RHPN2: variants seen among roughly 807,000 people sequenced by gnomAD.
The protein encoded by RHPN2 is rhophilin Rho GTPase binding protein 2, also known as rhophilin-2.
RHPN2 carries 40 observed loss-of-function variants against 79.0 expected under a neutral mutation model. The observed-to-expected ratio is 0.51, with a 90% confidence interval of 0.39 to 0.66. The LOEUF is 0.66. Among genes scored for constraint, RHPN2 ranks in the 30% least tolerant of loss-of-function variants. The pLI is 0.00. For synonymous variants in RHPN2, 285 were observed against 363.5 expected (o/e 0.78, Z 2.46); for missense variants, 686 against 883.5 (o/e 0.78, Z 2.83).
rs1362370037 is a variant in RHPN2 at position 32,979,208 on chromosome 19, T to A, written c.*788A>T. ...CTGAATCATTTACATCTTTACTTTA[T>A]AAAATGTAAAACTACTTTTTTACCC... On this transcript the variant is annotated 3_prime_UTR_variant, in exon 15 of 15. Coordinates refer to ENST00000254260, the MANE Select transcript of RHPN2 (RefSeq NM_033103.5). 1 of 152,242 alleles carries A rather than the reference T, an allele frequency of 6.6e-6. No homozygotes were observed. The highest frequency in any genetic ancestry group is 1.5e-5 in the Non-Finnish European group (1 of 68,046). 9.4% of individuals were successfully genotyped at this position (152,242 alleles called of 1,614,324 possible).
Position 33,002,444 on chromosome 19 carries a change from A to C in RHPN2, c.949-41T>G, listed in dbSNP as rs537769134. Reference sequence around the variant, plus strand: ...CACTGGGAAGGGGCAGCCCGGCACAAGGGCCCTCATGAACCCATTTGCAGA... The same window carrying C: ...CACTGGGAAGGGGCAGCCCGGCACACGGGCCCTCATGAACCCATTTGCAGA... On this transcript the variant is annotated intron_variant, in intron 8 of 14. Coordinates refer to ENST00000254260, the MANE Select transcript of RHPN2 (RefSeq NM_033103.5). 3.5e-5 allele frequency: 57 copies of C among 1,612,486 alleles called. 2 individuals are homozygous for C. Among genetic ancestry groups the C allele is most frequent in the Admixed American group, 1.7e-4 (10 of 59,990 alleles).
intron 1 of RHPN2, among the ~76,000 whole-genome samples, chr19:33,053,004 C>G (rs1214820292): frequency 6.6e-6 from 1 of 150,638 alleles, no homozygotes; most frequent in African/African-American, 2.4e-5. Context: ...CGAAGTCTTG[C>G]TCTGTTGCCC....
Position 32,978,874 on chromosome 19 carries a change from G to A in RHPN2, c.*1122C>T, listed in dbSNP as rs560577692. On this transcript the variant is annotated 3_prime_UTR_variant, in exon 15 of 15. Coordinates refer to ENST00000254260, the MANE Select transcript of RHPN2 (RefSeq NM_033103.5). The stretch of plus-strand genomic sequence containing the variant: ...TAAAAAGTAAAATAGTGGGACGGTT[G>A]TGGTGGCTCATGCCTGTAATCCCAG... 1 of 152,304 alleles carries A rather than the reference G, an allele frequency of 6.6e-6. No individual in the cohort carries two copies. Among genetic ancestry groups the A allele is most frequent in the South Asian group, 2.1e-4 (1 of 4,816 alleles). 9.4% of individuals were successfully genotyped at this position (152,304 alleles called of 1,614,324 possible). A position where few individuals can be genotyped will look rare whatever the true frequency, so the allele number is the denominator to read the frequency against.
At chr19:33,046,692 A>T (rs1972145392) in intron 1 of RHPN2, among the ~76,000 whole-genome samples, 1 of 152,214 alleles carries the variant, frequency 6.6e-6, no homozygotes, top group African/African-American at 2.4e-5. Flanking sequence ...TCACCAATAC[A>T]GGTGCTGGTC....
chr19:33,023,150 G>A (rs1351216364), intron 3 of RHPN2, among the ~76,000 whole-genome samples: 4 of 152,056 alleles, frequency 2.6e-5, no homozygotes, highest in Admixed American at 2.0e-4. Context: ...ACACAGTAGT[G>A]CAGGCCAGGT....
At chr19:32,992,744 G>A (rs1417689288) in intron 12 of RHPN2, among the ~76,000 whole-genome samples, 1 of 151,046 alleles carries the variant, frequency 6.6e-6, no homozygotes, top group Non-Finnish European at 1.5e-5. Context: ...CCAGGAGTTC[G>A]AGGCTGCAGT....
chr19:33,030,324 G>A (rs1972000651), intron 2 of RHPN2, among the ~76,000 whole-genome samples: 1 of 152,104 alleles, frequency 6.6e-6, no homozygotes, highest in South Asian at 2.1e-4. Flanking sequence ...CAGGTGCAGT[G>A]GCTCACATCT....
intron 6 of RHPN2, 134 bp downstream of exon 6, chr19:33,011,545 C>T: frequency 2.8e-6 from 3 of 1,083,352 alleles, no homozygotes; most frequent in Non-Finnish European, 2.8e-6. Context: ...TTGAGACTTC[C>T]CCAGATAAAT....
At chr19:32,981,879 C>G (rs1971578283) in intron 14 of RHPN2, among the ~76,000 whole-genome samples, 1 of 151,636 alleles carries the variant, frequency 6.6e-6, no homozygotes, top group African/African-American at 2.4e-5. Context: ...AAACTTTGTA[C>G]CATTAAACAC....
In RHPN2 at chr19:32,980,046, T is replaced by A; in HGVS notation, c.2011A>T (p.Lys671Ter). 1 of 1,613,932 alleles carries A rather than the reference T, an allele frequency of 6.2e-7. No individual in the cohort carries two copies. Among genetic ancestry groups the A allele is most frequent in the Non-Finnish European group, 8.5e-7 (1 of 1,179,844 alleles). ...VGAARPQVKK[K>*]LPSPFSLLNS... ...AGAAGGCTGAAAGGGGAGGGCAGCT[T>A]CTTCTTGACCTGAGGCCGTGCAGCC... The change falls in exon 15 of 15, where the codon AAG becomes TAG. Residue 671 changes from lysine (K) to a stop codon, truncating the protein, a stop_gained. Transcript: ENST00000254260. LOFTEE classifies it high-confidence loss of function.
Position 32,980,160 on chromosome 19 carries a change from T to C in RHPN2, c.1897A>G (p.Lys633Glu), listed in dbSNP as rs759812870. 1.4e-5 allele frequency: 23 copies of C among 1,613,856 alleles called. No individual in the cohort carries two copies. In the East Asian group the frequency reaches 5.1e-4, roughly 36 times the overall value. The change falls in exon 15 of 15, where the codon AAA becomes GAA. Residue 633 changes from lysine (K) to glutamate (E), a missense_variant. Transcript: ENST00000254260. ...AGGAAGGAAAGCTTCTTGGAGATTT[T>C]CTTGGTTTTATCAGTTTTGTCGTCA... ...DDDDKTDKTK[K>E]ISKKLSFLSW...
chr19:32,981,433 GAAGGGAAGA>G (rs1279771171), intron 14 of RHPN2, among the ~76,000 whole-genome samples: 1 of 99,582 alleles, frequency 1.0e-5, no homozygotes, highest in African/African-American at 3.8e-5. Flanking sequence ...GGGGCGGGGG[GAAGGGAAGA>G]GGGGAAAGGA....
chr19:33,059,456 G>A (rs1213020505), intron 1 of RHPN2, among the ~76,000 whole-genome samples: 1 of 151,796 alleles, frequency 6.6e-6, no homozygotes, highest in East Asian at 1.9e-4. Flanking sequence ...CCGCCACCAC[G>A]CCTTGCTCAT....
At chr19:33,003,917 G>A (rs1166234976) in intron 7 of RHPN2, among the ~76,000 whole-genome samples, 1 of 152,172 alleles carries the variant, frequency 6.6e-6, no homozygotes, top group Non-Finnish European at 1.5e-5. Context: ...GCTGCTGCCT[G>A]TAATCCCAGC....
intron 2 of RHPN2, among the ~76,000 whole-genome samples, chr19:33,034,770 C>G (rs1599827956): frequency 1.0e-5 from 1 of 96,942 alleles, no homozygotes; most frequent in Admixed American, 1.5e-4. Context: ...GGCAATAGAG[C>G]AAGACTCCAT....
intron 4 of RHPN2, among the ~76,000 whole-genome samples, chr19:33,020,699 C>T (rs1419993948): frequency 2.6e-5 from 4 of 152,096 alleles, no homozygotes; most frequent in African/African-American, 9.7e-5. Flanking sequence ...AGGGGTTTTA[C>T]CATTTTAGCC....
In RHPN2 at chr19:32,998,816, GA is replaced by G. The variant is rs138057466; in HGVS notation, c.1225+769del. On this transcript the variant is annotated intron_variant, in intron 10 of 14. Coordinates refer to ENST00000254260, the MANE Select transcript of RHPN2 (RefSeq NM_033103.5). ...GAGGAGAGGGGAGGGGAGGAGGGGAGAGGGGAAGGGTGAGGGGAGGAGAGGA... is the reference window on the plus strand; with the variant it reads ...GAGGAGAGGGGAGGGGAGGAGGGGAGGGGGAAGGGTGAGGGGAGGAGAGGA... Among the ~76,000 whole-genome samples the G allele has an allele frequency of 9.6e-3, 1,236 of 129,410 alleles. 36 individuals carry two copies. Among genetic ancestry groups the G allele is most frequent in the African/African-American group, 0.036 (1,173 of 32,950 alleles). The allele number at this position is 129,410 out of a possible 152,430, so 84.9% of individuals were successfully genotyped here.
chr19:33,023,437 G>GAA (rs751212140), intron 3 of RHPN2, among the ~76,000 whole-genome samples: 16 of 77,772 alleles, frequency 2.1e-4, no homozygotes, highest in Admixed American at 7.8e-4. Context: ...TCCATCTCAG[G>GAA]AAAAAAAAAA....
At position 33,035,259 on chromosome 19, in the gene RHPN2, A is replaced by G. The variant is rs962246637; in HGVS notation, c.186-8627T>C. Among the ~76,000 whole-genome samples, 7 of 152,088 alleles carry G rather than the reference A, an allele frequency of 4.6e-5. No individual in the cohort carries two copies. The East Asian group carries it at 1.4e-3, about 29-fold the overall frequency. ...TGGGATTACAGGCGTGAGCCACCACACCCAGCCAATTTTTGTATTTTTAGT... is the reference window on the plus strand; with the variant it reads ...TGGGATTACAGGCGTGAGCCACCACGCCCAGCCAATTTTTGTATTTTTAGT... On this transcript the variant is annotated intron_variant, in intron 2 of 14. Transcript: ENST00000254260.
Sources: allele counts gnomAD v4.1 joint callset (sites outside exome capture counted in the v4.1 genomes callset), GRCh38; gene constraint gnomAD v4.1.1; transcripts MANE v1.5; gene names NCBI Gene and HGNC (gene_info 2026-07-23, HGNC 2026-07-21).